The following NDST4 variants were observed in gnomAD, a reference collection of about 807,000 sequenced individuals.
NDST4 encodes N-heparan sulfate sulfotransferase 4.
A neutral mutation model predicts 100.8 loss-of-function variants in NDST4; 63 were observed. The observed-to-expected ratio is 0.62, with a 90% confidence interval of 0.51 to 0.77. The LOEUF (loss-of-function observed/expected upper bound fraction) is 0.77. NDST4 is among the 30% of genes least tolerant of loss of function. The pLI is 0.00. For synonymous variants in NDST4, 377 were observed against 361.8 expected (o/e 1.04, Z -0.48); for missense variants, 943 against 1,018.4 (o/e 0.93, Z 1.01).
intron 6 of NDST4, among the ~76,000 whole-genome samples, chr4:114,901,011 T>C (rs139669557): frequency 7.5e-5 from 10 of 133,654 alleles, no homozygotes; most frequent in Admixed American, 6.9e-4. Flanking sequence ...GATCAGACAC[T>C]ATATGATTTT....
chr4:115,086,365 GC>G (rs1421860003), intron 1 of NDST4, among the ~76,000 whole-genome samples: 1 of 152,032 alleles, frequency 6.6e-6, no homozygotes, highest in Non-Finnish European at 1.5e-5. Flanking sequence ...GAGGTAGTAT[GC>G]CCAGTTTATA....
intron 2 of NDST4, among the ~76,000 whole-genome samples, chr4:115,022,014 TATCTCTATGTTCC>T (rs1727841395): frequency 7.2e-6 from 1 of 139,204 alleles, no homozygotes; most frequent in Non-Finnish European, 1.5e-5. Flanking sequence ...ATATGTTCCA[TATCTCTATGTTCC>T]ATATCTCTAT....
intron 6 of NDST4, among the ~76,000 whole-genome samples, chr4:114,912,790 G>A (rs549959688): frequency 1.1e-3 from 166 of 152,160 alleles, no homozygotes; most frequent in African/African-American, 3.8e-3. Context: ...GGTCATTAGC[G>A]TCACAACAAC....
At chr4:114,899,010 C>T (rs1010714220) in intron 6 of NDST4, among the ~76,000 whole-genome samples, 1 of 151,988 alleles carries the variant, frequency 6.6e-6, no homozygotes, top group African/African-American at 2.4e-5. Flanking sequence ...GTATACCTTT[C>T]GTTTCCTTTC....
At chr4:115,070,398 A>C (rs1322821033) in intron 2 of NDST4, among the ~76,000 whole-genome samples, 1 of 152,226 alleles carries the variant, frequency 6.6e-6, no homozygotes, top group South Asian at 2.1e-4. Flanking sequence ...AATGACAGAT[A>C]CTGGAGGGTG....
At chr4:115,072,300 A>T (rs1341284116) in intron 2 of NDST4, among the ~76,000 whole-genome samples, 1 of 152,118 alleles carries the variant, frequency 6.6e-6, no homozygotes, top group East Asian at 1.9e-4. Context: ...CAGATTCAAT[A>T]CAATTCCTAA....
At chr4:114,871,927 G>A (rs575271878) in intron 6 of NDST4, among the ~76,000 whole-genome samples, 112 of 151,980 alleles carry the variant, frequency 7.4e-4, no homozygotes, top group Non-Finnish European at 1.4e-3. Context: ...CTAATATAAG[G>A]TTATAAATAA....
chr4:115,105,955 C>G (rs1197354044), intron 1 of NDST4, among the ~76,000 whole-genome samples: 2 of 152,058 alleles, frequency 1.3e-5, no homozygotes, highest in African/African-American at 4.8e-5. Context: ...TGCCAGATGT[C>G]TTCTCACATT....
At chr4:114,855,431 C>T (rs1723772781) in intron 7 of NDST4, among the ~76,000 whole-genome samples, 1 of 152,066 alleles carries the variant, frequency 6.6e-6, no homozygotes, top group Non-Finnish European at 1.5e-5. Context: ...GTCTTTAATC[C>T]ATTTTAATTT....
chr4:114,931,377 T>G (rs916883437), intron 6 of NDST4, among the ~76,000 whole-genome samples: 4 of 151,494 alleles, frequency 2.6e-5, no homozygotes, highest in Admixed American at 6.6e-5. Context: ...AGAGGGAAAT[T>G]TATGGCACTA....
chr4:114,868,407 A>C (rs1423228151), intron 7 of NDST4, among the ~76,000 whole-genome samples: 1 of 152,112 alleles, frequency 6.6e-6, no homozygotes. Context: ...TGAATATGAA[A>C]AGAAGAGATA....
chr4:114,891,863 T>A (rs1354861837), intron 6 of NDST4, among the ~76,000 whole-genome samples: 1 of 152,170 alleles, frequency 6.6e-6, no homozygotes, highest in Non-Finnish European at 1.5e-5. Flanking sequence ...AAAAGCATTC[T>A]ATTGCCATCC....
intron 1 of NDST4, among the ~76,000 whole-genome samples, chr4:115,087,087 A>C (rs1198070787): frequency 1.3e-5 from 2 of 152,030 alleles, no homozygotes; most frequent in Non-Finnish European, 2.9e-5. Context: ...AACAGGATTA[A>C]ACAATTTTTG....
At chr4:115,058,105 GTATT>G (rs1485086793) in intron 2 of NDST4, among the ~76,000 whole-genome samples, 2 of 152,014 alleles carry the variant, frequency 1.3e-5, no homozygotes, top group African/African-American at 2.4e-5. Flanking sequence ...CATCCAGAAA[GTATT>G]TATATTTCTT....
chr4:114,956,632 G>C (rs1022838371), intron 4 of NDST4, among the ~76,000 whole-genome samples: 5 of 152,112 alleles, frequency 3.3e-5, no homozygotes, highest in African/African-American at 1.2e-4. Flanking sequence ...CTATTCGAGA[G>C]GCAGACAGCT....
intron 2 of NDST4, among the ~76,000 whole-genome samples, chr4:115,018,970 T>C (rs1223154706): frequency 6.6e-6 from 1 of 152,016 alleles, no homozygotes; most frequent in Non-Finnish European, 1.5e-5. Context: ...AATAATTATC[T>C]TGGAGACAAC....
In NDST4 at chr4:114,946,870, A is replaced by C. The variant is rs576005144; in HGVS notation, c.1222-9367T>G. ...CTTTTTTTTCTGTAGATATTTTCACATGCTTAAAATTAAAATCGTGGCTAC... is the reference window on the plus strand; with the variant it reads ...CTTTTTTTTCTGTAGATATTTTCACCTGCTTAAAATTAAAATCGTGGCTAC... On this transcript the variant is annotated intron_variant, in intron 4 of 13. Transcript: ENST00000264363. Among the ~76,000 whole-genome samples the C allele has an allele frequency of 1.0e-3, 158 of 152,282 alleles. 2 individuals are homozygous for C. Among genetic ancestry groups the C allele is most frequent in the Middle Eastern group, 6.8e-3 (2 of 294 alleles).
intron 4 of NDST4, among the ~76,000 whole-genome samples, chr4:114,968,883 G>C (rs1038824155): frequency 1.1e-4 from 17 of 152,134 alleles, no homozygotes; most frequent in Non-Finnish European, 2.4e-4. Context: ...GATCATCTGG[G>C]AAGTTTCTGA....
intron 2 of NDST4, among the ~76,000 whole-genome samples, chr4:114,993,784 C>G (rs1727102165): frequency 6.6e-6 from 1 of 151,894 alleles, no homozygotes; most frequent in African/African-American, 2.4e-5. Flanking sequence ...CATTGCTTTT[C>G]TAGTTTTCAG....
Sources: allele counts gnomAD v4.1 joint callset (sites outside exome capture counted in the v4.1 genomes callset), GRCh38; gene constraint gnomAD v4.1.1; transcripts MANE v1.5; gene names NCBI Gene and HGNC (gene_info 2026-07-23, HGNC 2026-07-21).